The following GNAZ variants were observed in gnomAD, a reference collection of about 807,000 sequenced individuals.
GNAZ encodes the protein guanine nucleotide-binding protein G(z) subunit alpha.
A neutral mutation model predicts 25.4 loss-of-function variants in GNAZ; 3 were observed. The ratio of observed to expected loss-of-function variants is 0.12; its 90% CI spans 0.05 to 0.30. The LOEUF is 0.30. GNAZ is among the 10% of genes least tolerant of loss of function. The pLI, the probability that GNAZ is intolerant of heterozygous loss-of-function variation, is 1.00. For synonymous variants in GNAZ, 211 were observed against 205.7 expected (o/e 1.03, Z -0.22); for missense variants, 241 against 501.8 (o/e 0.48, Z 4.97).
Position 23,071,730 on chromosome 22 carries a change from G to T in GNAZ, c.-450+1160G>T, listed in dbSNP as rs775500809. Among the ~76,000 whole-genome samples, 46 of 152,354 alleles carry T rather than the reference G, an allele frequency of 3.0e-4. No homozygotes were observed. The highest frequency in any genetic ancestry group is 4.7e-4 in the Non-Finnish European group (32 of 68,038). ...TGCAGGGGCCTCGGGAGGGACCTCA[G>T]AGTGGTGTCCTGGGCTGGGGGGTCA... On this transcript the variant is annotated intron_variant, in intron 1 of 2. Transcript: ENST00000615612. The surrounding 1 kb of genome is among the most constrained non-coding windows in gnomAD (Gnocchi z 4.1).
At chr22:23,089,494 G>A (rs2068904037) in intron 1 of GNAZ, among the ~76,000 whole-genome samples, 1 of 152,182 alleles carries the variant, frequency 6.6e-6, no homozygotes, top group Non-Finnish European at 1.5e-5. Flanking sequence ...TGCCTGGGGA[G>A]GGAAGTGGTT....
intron 2 of GNAZ, among the ~76,000 whole-genome samples, chr22:23,097,766 C>T (rs900864542): frequency 4.6e-5 from 7 of 152,212 alleles, no homozygotes; most frequent in African/African-American, 1.4e-4. Context: ...GTGGGCAGAG[C>T]GCTTGGGGCT....
chr22:23,093,178 AGGC>A (rs1363766740), intron 1 of GNAZ, among the ~76,000 whole-genome samples: 22 of 152,238 alleles, frequency 1.4e-4, no homozygotes, highest in African/African-American at 5.1e-4. Flanking sequence ...GGTCATCTCA[AGGC>A]TTCCATTCTC....
chr22:23,094,158 C>T (rs79793927), intron 1 of GNAZ, among the ~76,000 whole-genome samples: 1 of 152,102 alleles, frequency 6.6e-6, no homozygotes, highest in Non-Finnish European at 1.5e-5. Context: ...GGGGCGAATG[C>T]TGCCTGTGGC....
rs966365243 is a variant in GNAZ, at chr22:23,096,043, C to T, written c.348C>T (p.Ser116=). The T allele has an allele frequency of 6.2e-7, 1 of 1,606,998 alleles. No homozygotes were observed. The highest frequency in any genetic ancestry group is 1.3e-5 in the African/African-American group (1 of 75,048). Residue 116 remains serine, a synonymous_variant, in exon 2 of 3, where the codon AGC becomes AGT. Transcript: ENST00000615612. ...TTGCGCTGACGGGCCCCGCTGAGAG[C>T]AAGGGCGAGATCACACCCGAGCTGC... The part of the protein sequence containing the change: ...QLFALTGPAE[S]KGEITPELLG...
chr22:23,082,551 A>C (rs1032784116), intron 1 of GNAZ, among the ~76,000 whole-genome samples: 3 of 151,910 alleles, frequency 2.0e-5, no homozygotes, highest in Middle Eastern at 3.4e-3. Context: ...TTTGTTTTGC[A>C]TGTGAAGGAT....
intron 2 of GNAZ, among the ~76,000 whole-genome samples, chr22:23,096,785 C>T (rs564277410): frequency 9.8e-5 from 15 of 152,384 alleles, no homozygotes; most frequent in African/African-American, 3.1e-4. Flanking sequence ...CCTGCAACCC[C>T]ATCTTGAGTC....
At chr22:23,114,486 G>A (rs527415242) in intron 2 of GNAZ, among the ~76,000 whole-genome samples, 30 of 152,072 alleles carry the variant, frequency 2.0e-4, no homozygotes, top group African/African-American at 6.5e-4. Context: ...AGCCCCCAGA[G>A]GTCCAGTCAA....
In GNAZ at chr22:23,123,714, G is replaced by C. The variant is rs549229975; in HGVS notation, c.*283G>C. ...TGAAGACTTGAGAAGCTGTCACAAG[G>C]TCACTACAAGCCCAACCTGCCCCTT... On this transcript the variant is annotated 3_prime_UTR_variant, in exon 3 of 3. Transcript: ENST00000615612. 2.4e-4 allele frequency: 107 copies of C among 452,236 alleles called. No homozygotes were observed. Among genetic ancestry groups the C allele is most frequent in the African/African-American group, 2.0e-3 (100 of 51,092 alleles). 28.0% of individuals were successfully genotyped at this position (452,236 alleles called of 1,614,324 possible).
chr22:23,079,495 C>CCA (rs1415899877), intron 1 of GNAZ, among the ~76,000 whole-genome samples: 10 of 152,252 alleles, frequency 6.6e-5, no homozygotes, highest in African/African-American at 2.4e-4. Context: ...GTCAGAGAGG[C>CCA]CAGGCATTGC....
At chr22:23,101,044 TTATAC>T (rs1484203862) in intron 2 of GNAZ, among the ~76,000 whole-genome samples, 1 of 152,192 alleles carries the variant, frequency 6.6e-6, no homozygotes, top group African/African-American at 2.4e-5. Context: ...TAAGACAGGC[TTATAC>T]CTATTGATGA....
chr22:23,074,401 G>C (rs2068457996), intron 1 of GNAZ, among the ~76,000 whole-genome samples: 1 of 152,178 alleles, frequency 6.6e-6, no homozygotes, highest in South Asian at 2.1e-4. Context: ...GTTTTGGTCT[G>C]AACCAGTAGA....
intron 1 of GNAZ, among the ~76,000 whole-genome samples, chr22:23,086,809 G>T (rs901502627): frequency 1.3e-5 from 2 of 152,228 alleles, no homozygotes; most frequent in Non-Finnish European, 2.9e-5. Context: ...AGCATGACAG[G>T]ATTGAAGGCA....
At chr22:23,078,602 A>C (rs2068577026) in intron 1 of GNAZ, among the ~76,000 whole-genome samples, 1 of 151,898 alleles carries the variant, frequency 6.6e-6, no homozygotes, top group South Asian at 2.1e-4. Flanking sequence ...TGGATAGAGG[A>C]GGTGTGGAGG....
chr22:23,099,928 T>TA (rs1012958955), intron 2 of GNAZ, among the ~76,000 whole-genome samples: 20 of 152,276 alleles, frequency 1.3e-4, no homozygotes. Flanking sequence ...GCGGATCAGC[T>TA]AATGGACTCT....
chr22:23,117,957 TC>T (rs2069899350), intron 2 of GNAZ, among the ~76,000 whole-genome samples: 1 of 152,192 alleles, frequency 6.6e-6, no homozygotes, highest in South Asian at 2.1e-4. Context: ...GGAATGTCCT[TC>T]CAGGTGCCGG....
chr22:23,077,576 G>A (rs1343116460), intron 1 of GNAZ, among the ~76,000 whole-genome samples: 2 of 152,168 alleles, frequency 1.3e-5, no homozygotes, highest in Non-Finnish European at 1.5e-5. Context: ...TGTGGTTTCA[G>A]CTCCAGGTGT....
chr22:23,101,445 C>T (rs931240345), intron 2 of GNAZ, among the ~76,000 whole-genome samples: 1 of 152,194 alleles, frequency 6.6e-6, no homozygotes, highest in Admixed American at 6.5e-5. Flanking sequence ...GACAGTGACA[C>T]CTGGGCTTGG....
chr22:23,102,352 T>C (rs1013213644), intron 2 of GNAZ, among the ~76,000 whole-genome samples: 44 of 152,184 alleles, frequency 2.9e-4, no homozygotes, highest in African/African-American at 9.4e-4. Context: ...TGGCACCTAT[T>C]TGAGGCCCTT....
Sources: gnomAD v4.1 joint callset for allele counts (sites outside exome capture counted in the v4.1 genomes callset) on GRCh38, gnomAD v4.1.1 for gene constraint, Gnocchi (gnomAD v3.1) non-coding constraint, MANE v1.5 for transcripts, NCBI Gene and HGNC (gene_info 2026-07-23, HGNC 2026-07-21) for gene names.